Variants in ZNF560 observed in about 807,000 individuals in gnomAD.
ZNF560 encodes the protein zinc finger protein 560.
Under a neutral mutation model 81.8 loss-of-function variants are expected in ZNF560, and 54 were observed. The observed-to-expected ratio is 0.66, with a 90% CI of 0.53 to 0.83. ZNF560 has a LOEUF of 0.83. Ranked by LOEUF, ZNF560 falls within the 40% of genes least tolerant of loss-of-function variation. ZNF560 has a pLI of 0.00. For synonymous variants in ZNF560, 321 were observed against 317.9 expected (o/e 1.01, Z -0.10); for missense variants, 940 against 932.4 (o/e 1.01, Z -0.11).
chr19:9,501,609 T>C (rs902934743), upstream of ZNF560, among the ~76,000 whole-genome samples: 1 of 150,338 alleles, frequency 6.7e-6, no homozygotes, highest in African/African-American at 2.4e-5. Context: ...GATCCGCCCA[T>C]CTCAGCCTCC....
In ZNF560 at chr19:9,468,180, T is replaced by C. The variant is rs747238265; in HGVS notation, c.767A>G (p.Asn256Ser). The change falls in exon 10 of 10, where the codon AAT becomes AGT. Residue 256 changes from asparagine to serine, a missense_variant. Asn to Ser is a conservative substitution (Grantham distance 46). Transcript: ENST00000301480. ...AACTTTCCTTATGGTAGAGGTTTTA[T>C]TGTATAGAGAAAGGAGGTCTTTTGC... The part of the protein sequence containing the change: ...QYAKDLLSLY[N>S]KTSTIRKVSV... 4 of 1,614,064 alleles carry C rather than the reference T, an allele frequency of 2.5e-6. No individual in the cohort carries two copies. Among genetic ancestry groups the C allele is most frequent in the East Asian group, 2.2e-5 (1 of 44,886 alleles).
At chr19:9,476,840 A>C (rs763942912) in intron 2 of ZNF560, among the ~76,000 whole-genome samples, 9 of 152,184 alleles carry the variant, frequency 5.9e-5, no homozygotes, top group Non-Finnish European at 8.8e-5. Flanking sequence ...TGGTTACCTA[A>C]AGCAGATTTT....
chr19:9,474,245 T>G lies in ZNF560; in HGVS notation c.111A>C (p.Leu37Phe). 1 of 1,614,170 alleles carries G rather than the reference T, an allele frequency of 6.2e-7. No individual in the cohort carries two copies. Among genetic ancestry groups the G allele is most frequent in the Middle Eastern group, 1.6e-4 (1 of 6,062 alleles). ...WILLDPVQRN[L>F]YRDVMLENYE... The stretch of plus-strand genomic sequence containing the variant: ...AATTCTCCAGCATCACATCTCTGTA[T>G]AAGTTTCTCTGAACTGGGTCCAGTA... The change falls in exon 4 of 10, where the codon TTA (leucine) becomes TTC (phenylalanine). Residue 37 changes from leucine to phenylalanine, a missense_variant. Coordinates refer to ENST00000301480, the MANE Select transcript of ZNF560 (RefSeq NM_152476.3).
At chr19:9,461,140 A>G in the ZNF560 span, among the ~76,000 whole-genome samples, 3 of 152,224 alleles carry the variant, frequency 2.0e-5, no homozygotes, top group Non-Finnish European at 2.9e-5. Flanking sequence ...AAAATATACT[A>G]TGCCATCACA....
intron 2 of ZNF560, among the ~76,000 whole-genome samples, chr19:9,492,703 G>A (rs1373896023): frequency 6.6e-6 from 1 of 152,154 alleles, no homozygotes; most frequent in Non-Finnish European, 1.5e-5. Flanking sequence ...GAAAGAATGG[G>A]ATTCTGTTTC....
the ZNF560 span, among the ~76,000 whole-genome samples, chr19:9,456,601 G>T: frequency 6.6e-6 from 1 of 152,212 alleles, no homozygotes; most frequent in Non-Finnish European, 1.5e-5. Flanking sequence ...GGTAGATACA[G>T]GAGTGGACAT....
chr19:9,505,894 C>G, the ZNF560 span, among the ~76,000 whole-genome samples: 197 of 152,114 alleles, frequency 1.3e-3, no homozygotes, highest in African/African-American at 4.6e-3. Context: ...TAACTCCTGA[C>G]CTCATGTGAT....
In ZNF560 at chr19:9,467,584, T is replaced by C. The variant is rs2073048207; in HGVS notation, c.1363A>G (p.Asn455Asp). 1.9e-6 allele frequency: 3 copies of C among 1,614,026 alleles called. No homozygotes were observed. The African/African-American group carries it at 4.0e-5, about 22-fold the overall frequency. ...TTATGCTCATATGGCTTCTCTCCATTATGAACTCTCAAATGTCCAAAAAGA... is the reference window on the plus strand; with the variant it reads ...TTATGCTCATATGGCTTCTCTCCATCATGAACTCTCAAATGTCCAAAAAGA... ...PSLFGHLRVH[N>D]GEKPYEHKEY... The change falls in exon 10 of 10, where the codon AAT (asparagine) becomes GAT (aspartate). Residue 455 changes from asparagine (N) to aspartate (D), a missense_variant. Coordinates refer to ENST00000301480, the MANE Select transcript of ZNF560 (RefSeq NM_152476.3).
At chr19:9,463,746 G>C (rs73018184), downstream of ZNF560, among the ~76,000 whole-genome samples, 2 of 152,084 alleles carry the variant, frequency 1.3e-5, no homozygotes, top group East Asian at 1.9e-4. Context: ...CCAATGGCAC[G>C]ATCTGAGCTC....
chr19:9,472,666 G>A (rs1188493431), intron 5 of ZNF560, among the ~76,000 whole-genome samples: 1 of 152,118 alleles, frequency 6.6e-6, no homozygotes, highest in African/African-American at 2.4e-5. Flanking sequence ...CTACATTATG[G>A]TAGAATTGTA....
chr19:9,467,832 C>A lies in ZNF560; in HGVS notation c.1115G>T (p.Gly372Val). ...GTGCTTACATTTATAAGGTTTTATC[C>A]CAATGTGGGTTTGCATGTGATTATT... is the stretch of plus-strand genomic sequence containing the variant. ...HLNNHMQTHIGIKPYKCKHCG... is the reference protein window; with the variant it reads ...HLNNHMQTHIVIKPYKCKHCG... Residue 372 changes from glycine to valine, a missense_variant, in exon 10 of 10, where the codon GGG (glycine) becomes GTG (valine). Transcript: ENST00000301480. The A allele has an allele frequency of 6.2e-7, 1 of 1,614,084 alleles. No individual in the cohort carries two copies. Among genetic ancestry groups the A allele is most frequent in the South Asian group, 1.1e-5 (1 of 91,078 alleles).
In ZNF560 at chr19:9,469,173, G is replaced by T; in HGVS notation, c.544C>A (p.Leu182Met). The T allele has an allele frequency of 6.3e-7, 1 of 1,593,194 alleles. No homozygotes were observed. The highest frequency in any genetic ancestry group is 8.5e-7 in the Non-Finnish European group (1 of 1,172,408). Residue 182 changes from leucine (L) to methionine (M), a missense_variant, in exon 9 of 10, where the codon CTG (leucine) becomes ATG (methionine). By Grantham distance (15) the Leu-to-Met change is conservative. Coordinates refer to ENST00000301480, the MANE Select transcript of ZNF560 (RefSeq NM_152476.3). Reference sequence around the variant, plus strand: ...CAAAGGGCTGGCCCTTTGGTTTTCAGGCACATTTTCCATTCTGAAATAAAA... The same window carrying T: ...CAAAGGGCTGGCCCTTTGGTTTTCATGCACATTTTCCATTCTGAAATAAAA... The part of the protein sequence containing the change: ...PRVLQEWKMC[L>M]KTKGPALWQD...
At chr19:9,482,925 G>A (rs1475092928) in intron 2 of ZNF560, among the ~76,000 whole-genome samples, 5 of 151,970 alleles carry the variant, frequency 3.3e-5, no homozygotes, top group East Asian at 1.9e-4. Context: ...TCGGCCTCCC[G>A]AGGTGCCGGG....
rs746292530 is a variant in ZNF560 at position 9,470,378 on chromosome 19, GAT to G, written c.448+12_448+13del. ...TGTTCCAGAATAGGCTACAAGGGATGATGCCAGACTTACCTACTGAGGACAGG... is the reference window on the plus strand; with the variant it reads ...TGTTCCAGAATAGGCTACAAGGGATGGCCAGACTTACCTACTGAGGACAGG... On this transcript the variant is annotated intron_variant, in intron 7 of 9. Coordinates refer to ENST00000301480, the MANE Select transcript of ZNF560 (RefSeq NM_152476.3). The G allele has an allele frequency of 2.6e-5, 42 of 1,600,480 alleles. 2 individuals carry two copies. The South Asian group carries it at 3.7e-4, about 14-fold the overall frequency.
intron 2 of ZNF560, among the ~76,000 whole-genome samples, chr19:9,486,756 A>G (rs2073390724): frequency 6.7e-6 from 1 of 149,858 alleles, no homozygotes; most frequent in Non-Finnish European, 1.5e-5. Context: ...AAAAAGAAGA[A>G]AAGAAAAAAA....
chr19:9,480,254 T>C (rs2073265968), intron 2 of ZNF560, among the ~76,000 whole-genome samples: 1 of 152,032 alleles, frequency 6.6e-6, no homozygotes, highest in Non-Finnish European at 1.5e-5. Context: ...ACAAAGCAAG[T>C]CTTAACAAAT....
upstream of ZNF560, among the ~76,000 whole-genome samples, chr19:9,502,178 A>AG (rs1568471172): frequency 6.6e-6 from 1 of 150,390 alleles, no homozygotes; most frequent in Non-Finnish European, 1.5e-5. Context: ...GAAAAAAAAA[A>AG]GTGTTCTCTC....
the ZNF560 span, among the ~76,000 whole-genome samples, chr19:9,454,991 G>A: frequency 6.6e-6 from 1 of 152,082 alleles, no homozygotes; most frequent in East Asian, 1.9e-4. Flanking sequence ...CTGACCCTCT[G>A]GATCTTTCTT....
At position 9,498,150 on chromosome 19, in the gene ZNF560, G is replaced by T. The variant is rs775095235; in HGVS notation, c.-79C>A. On this transcript the variant is annotated 5_prime_UTR_variant, in exon 2 of 10. Transcript: ENST00000301480. ...CACCCGAACACGGTGGAGTCGCCAG[G>T]TCCGTGGGGCTACAGGATCTTGGGG... The T allele has an allele frequency of 6.6e-6, 1 of 152,208 alleles. No homozygotes were observed. The highest frequency in any genetic ancestry group is 1.5e-5 in the Non-Finnish European group (1 of 68,040). The allele number at this position is 152,208 out of a possible 1,614,324, so 9.4% of individuals were successfully genotyped here. A position where few individuals can be genotyped will look rare whatever the true frequency, so the allele number is the denominator to read the frequency against.
Sources: gnomAD v4.1 joint callset for allele counts (sites outside exome capture counted in the v4.1 genomes callset) on GRCh38, gnomAD v4.1.1 for gene constraint, MANE v1.5 for transcripts, NCBI Gene and HGNC (gene_info 2026-07-23, HGNC 2026-07-21) for gene names.